A4GALT: variants seen among roughly 807,000 people sequenced by gnomAD.
A4GALT encodes the protein alpha 1,4-galactosyltransferase (P1PK blood group).
For missense variants in A4GALT, 512 were observed against 486.0 expected (o/e 1.05, Z -0.50); for synonymous variants, 257 against 220.7 (o/e 1.16, Z -1.46).
At chr22:42,701,927 G>A (rs187781057) in intron 1 of A4GALT, among the ~76,000 whole-genome samples, 3 of 152,154 alleles carry the variant, frequency 2.0e-5, no homozygotes, top group African/African-American at 7.2e-5. Flanking sequence ...ACCCTACGTA[G>A]TCCACACAAG....
chr22:42,710,187 T>C (rs1921555030), intron 1 of A4GALT, among the ~76,000 whole-genome samples: 3 of 152,100 alleles, frequency 2.0e-5, no homozygotes, highest in Admixed American at 2.0e-4. Flanking sequence ...GAAAACGCAA[T>C]AGAAATAGTT....
intron 1 of A4GALT, among the ~76,000 whole-genome samples, chr22:42,713,450 G>A (rs1462940289): frequency 6.6e-6 from 1 of 152,350 alleles, no homozygotes; most frequent in African/African-American, 2.4e-5. Context: ...ATGTACAACA[G>A]GGAAGAGAAG....
chr22:42,694,044 G>C, intron 2 of A4GALT, 47 bp from the exon 3 acceptor site: 3 of 1,166,504 alleles, frequency 2.6e-6, no homozygotes, highest in South Asian at 1.3e-5. Flanking sequence ...TGGCATTCCC[G>C]ATCCACAAGG....
chr22:42,705,305 G>A (rs1920985639), intron 1 of A4GALT, among the ~76,000 whole-genome samples: 1 of 152,140 alleles, frequency 6.6e-6, no homozygotes, highest in Non-Finnish European at 1.5e-5. Flanking sequence ...AATTCACTAT[G>A]AAAATATTGC....
chr22:42,694,708 G>A (rs130392), intron 2 of A4GALT: 11,036 of 152,394 alleles, frequency 0.072, 526 homozygotes, highest in Non-Finnish European at 0.1. Context: ...GGAGGCATGA[G>A]ACCCCAACTC....
upstream of A4GALT, chr22:42,720,890 G>A (rs1922680841): frequency 7.1e-6 from 1 of 139,960 alleles, no homozygotes; most frequent in South Asian, 2.1e-4. Flanking sequence ...CCGGCGGGAG[G>A]CAGCACCGCC....
At chr22:42,702,809 C>T (rs569570284) in intron 1 of A4GALT, among the ~76,000 whole-genome samples, 9 of 143,730 alleles carry the variant, frequency 6.3e-5, no homozygotes, top group Non-Finnish European at 8.9e-5. Flanking sequence ...TTGCCGAGGA[C>T]GCACCTGGTG....
intron 1 of A4GALT, among the ~76,000 whole-genome samples, chr22:42,712,924 A>C (rs1921821989): frequency 6.6e-6 from 1 of 152,112 alleles, no homozygotes. Flanking sequence ...CAACAAAAAT[A>C]GTAGCAAAAG....
At chr22:42,716,795 G>A (rs1170143391) in intron 1 of A4GALT, among the ~76,000 whole-genome samples, 1 of 152,186 alleles carries the variant, frequency 6.6e-6, no homozygotes, top group Non-Finnish European at 1.5e-5. Flanking sequence ...GGCTTAATGG[G>A]TAGAGGCCTA....
chr22:42,704,871 G>A (rs1354364208), intron 1 of A4GALT, among the ~76,000 whole-genome samples: 2 of 23,936 alleles, frequency 8.4e-5, no homozygotes, highest in Non-Finnish European at 2.1e-4. Context: ...CATGGCAATG[G>A]GGGGGGGCGG....
At chr22:42,700,417 G>C (rs1931222607) in intron 1 of A4GALT, among the ~76,000 whole-genome samples, 1 of 152,212 alleles carries the variant, frequency 6.6e-6, no homozygotes, top group Non-Finnish European at 1.5e-5. Context: ...CGGTCGGGTG[G>C]TGGGAGGCCA....
At chr22:42,699,524 A>G (rs1931161498) in intron 1 of A4GALT, among the ~76,000 whole-genome samples, 1 of 152,176 alleles carries the variant, frequency 6.6e-6, no homozygotes, top group Admixed American at 6.5e-5. Flanking sequence ...GCCCTTGGTC[A>G]TGGGCCTGGC....
intron 1 of A4GALT, among the ~76,000 whole-genome samples, chr22:42,712,254 C>G (rs538375128): frequency 6.6e-6 from 1 of 152,174 alleles, no homozygotes. Context: ...TGAAATTCCC[C>G]GCAACCCCTC....
At chr22:42,697,557 A>C (rs1931023666) in intron 1 of A4GALT, among the ~76,000 whole-genome samples, 1 of 152,012 alleles carries the variant, frequency 6.6e-6, no homozygotes, top group Non-Finnish European at 1.5e-5. Flanking sequence ...GTCCGGGCCC[A>C]CTTGGAGGAG....
At chr22:42,714,274 CAAA>C (rs1163088658) in intron 1 of A4GALT, among the ~76,000 whole-genome samples, 155 of 16,088 alleles carry the variant, frequency 9.6e-3, no homozygotes, top group African/African-American at 0.024. Context: ...GACTCTGTCT[CAAA>C]AAAAAAAAAA....
At chr22:42,699,147 G>C (rs962519936) in intron 1 of A4GALT, among the ~76,000 whole-genome samples, 1 of 151,558 alleles carries the variant, frequency 6.6e-6, no homozygotes, top group Admixed American at 6.6e-5. Flanking sequence ...GTAATGGCCC[G>C]ATCTCGGTTC....
At chr22:42,717,911 C>T (rs555249031) in intron 1 of A4GALT, among the ~76,000 whole-genome samples, 1 of 152,114 alleles carries the variant, frequency 6.6e-6, no homozygotes, top group Admixed American at 6.6e-5. Flanking sequence ...CCTGGCTTCT[C>T]GTACTCTGAC....
intron 1 of A4GALT, among the ~76,000 whole-genome samples, chr22:42,697,714 T>C (rs1485864703): frequency 2.0e-5 from 3 of 152,168 alleles, no homozygotes; most frequent in Non-Finnish European, 4.4e-5. Context: ...GCCCAAAGCA[T>C]GCTCCTGGCC....
chr22:42,692,990 C>A lies in A4GALT; in HGVS notation c.962G>T (p.Ser321Ile). 6.2e-7 allele frequency: 1 copy of A among 1,613,574 alleles called. No individual in the cohort carries two copies. The highest frequency in any genetic ancestry group is 2.2e-5 in the East Asian group (1 of 44,874). Residue 321 changes from serine to isoleucine, a missense_variant, in exon 3 of 3, where the codon AGC (serine) becomes ATC (isoleucine). Physicochemically the swap from Ser to Ile is moderately radical, Grantham distance 142. Coordinates refer to ENST00000642412, the MANE Select transcript of A4GALT (RefSeq NM_017436.7). The surrounding 1 kb of genome is among the most constrained non-coding windows in gnomAD (Gnocchi z 4.6). ...CGTGGCCTCGAACCGCGTGCCCTGG[C>A]TCTTCTTGTTCCACACGTGGACAGC... ...TYAVHVWNKK[S>I]QGTRFEATSR...
Sources: allele counts gnomAD v4.1 joint callset (sites outside exome capture counted in the v4.1 genomes callset), GRCh38; gene constraint gnomAD v4.1.1; non-coding constraint Gnocchi (gnomAD v3.1); transcripts MANE v1.5; gene names NCBI Gene and HGNC (gene_info 2026-07-23, HGNC 2026-07-21).